The following CCSER2 variants were observed in gnomAD, a reference collection of about 807,000 sequenced individuals.
CCSER2 encodes coiled-coil serine rich protein 2, also known as serine-rich coiled-coil domain-containing protein 2.
Under a neutral mutation model 92.3 loss-of-function variants are expected in CCSER2, and 46 were observed. That is an observed-to-expected ratio of 0.50 (90% confidence interval 0.39 to 0.64). CCSER2 has a LOEUF of 0.64. CCSER2 is among the 30% of genes least tolerant of loss of function. CCSER2 has a pLI of 0.00. For synonymous variants in CCSER2, 433 were observed against 431.4 expected, an observed-to-expected ratio of 1.00 and a Z score of -0.04; for missense variants, 1,244 against 1,238.9, an observed-to-expected ratio of 1.00 and a Z score of -0.06.
At chr10:84,440,715 G>A (rs1197167516) in intron 6 of CCSER2, among the ~76,000 whole-genome samples, 1 of 152,186 alleles carries the variant, frequency 6.6e-6, no homozygotes, top group African/African-American at 2.4e-5. Flanking sequence ...CCTAAGAGAG[G>A]ATTAATGAAT....
At chr10:84,505,163 T>C (rs942669738) in intron 9 of CCSER2, among the ~76,000 whole-genome samples, 15 of 152,174 alleles carry the variant, frequency 9.9e-5, no homozygotes, top group Non-Finnish European at 1.5e-4. Flanking sequence ...ATGGTAAATA[T>C]TTCTTGAAAT....
chr10:84,434,100 C>T (rs758331385), intron 5 of CCSER2, among the ~76,000 whole-genome samples: 5 of 152,166 alleles, frequency 3.3e-5, no homozygotes, highest in African/African-American at 4.8e-5. Context: ...ACAAATGTAT[C>T]AACTTAATGT....
intron 3 of CCSER2, 153 bp downstream of exon 3, chr10:84,373,968 C>A: frequency 7.1e-7 from 1 of 1,418,014 alleles, no homozygotes; most frequent in African/African-American, 1.4e-5. Flanking sequence ...AAATATCTGA[C>A]TCTAATATGA....
At chr10:84,489,856 A>G (rs11511530) in intron 9 of CCSER2, among the ~76,000 whole-genome samples, 66,643 of 152,060 alleles carry the variant, frequency 0.44, 16,285 homozygotes, top group East Asian at 0.57. Flanking sequence ...ACAATTTGGC[A>G]TGTTTTTGCA....
chr10:84,341,176 C>T (rs909043159), intron 1 of CCSER2, among the ~76,000 whole-genome samples: 4 of 150,716 alleles, frequency 2.7e-5, no homozygotes, highest in African/African-American at 4.9e-5. Context: ...GGACTACAAG[C>T]GTGTGCCACC....
At chr10:84,374,396 G>GA (rs1467918869) in intron 3 of CCSER2, among the ~76,000 whole-genome samples, 1 of 152,160 alleles carries the variant, frequency 6.6e-6, no homozygotes, top group African/African-American at 2.4e-5. Flanking sequence ...TAGGGCAGCT[G>GA]TCTTTAGTGA....
At chr10:84,365,644 G>A (rs955865587) in intron 1 of CCSER2, among the ~76,000 whole-genome samples, 12 of 152,318 alleles carry the variant, frequency 7.9e-5, no homozygotes, top group African/African-American at 2.6e-4. Flanking sequence ...ACCAGTAACA[G>A]TGTGTCTCTC....
intron 5 of CCSER2, among the ~76,000 whole-genome samples, chr10:84,431,812 C>T (rs994881261): frequency 1.3e-5 from 2 of 152,210 alleles, no homozygotes; most frequent in South Asian, 4.1e-4. Flanking sequence ...TACTGAAAAA[C>T]ATCTTGGTTG....
At chr10:84,470,488 T>G (rs760444778) in intron 8 of CCSER2, 30 bp downstream of exon 8, 4 of 1,348,804 alleles carry the variant, frequency 3.0e-6, no homozygotes, top group East Asian at 3.1e-5. Context: ...GTATAGAGAC[T>G]TTTCAAACTG....
chr10:84,379,180 A>C lies in CCSER2; in HGVS notation c.1614+5365A>C, dbSNP rs75110527. ...TATTGGCATATTAAAATTTGTATGT[A>C]TATTCGTGTTGGTTTTTGAAAATTT... On this transcript the variant is annotated intron_variant, in intron 3 of 9. Coordinates refer to ENST00000372088, the MANE Select transcript of CCSER2 (RefSeq NM_001284240.2). Among the ~76,000 whole-genome samples the C allele has an allele frequency of 2.7e-3, 414 of 152,262 alleles. 16 individuals are homozygous for C. In the East Asian group the frequency reaches 0.07, roughly 26 times the overall value.
At chr10:84,465,909 C>T (rs1269436293) in intron 7 of CCSER2, among the ~76,000 whole-genome samples, 1 of 152,060 alleles carries the variant, frequency 6.6e-6, no homozygotes, top group Non-Finnish European at 1.5e-5. Context: ...CACCACCGCG[C>T]CCAGCTAATT....
intron 3 of CCSER2, among the ~76,000 whole-genome samples, chr10:84,400,811 G>A (rs1336353093): frequency 1.3e-5 from 2 of 152,116 alleles, no homozygotes; most frequent in Admixed American, 1.3e-4. Flanking sequence ...CTACTTGGGA[G>A]GCTGAAGCAG....
At chr10:84,489,220 T>G (rs1847994747) in intron 9 of CCSER2, among the ~76,000 whole-genome samples, 1 of 152,180 alleles carries the variant, frequency 6.6e-6, no homozygotes, top group Non-Finnish European at 1.5e-5. Context: ...GTCTGTTGAT[T>G]TGGGGTGGAG....
At chr10:84,484,109 G>T (rs1847656611) in intron 9 of CCSER2, among the ~76,000 whole-genome samples, 4 of 150,176 alleles carry the variant, frequency 2.7e-5, no homozygotes, top group South Asian at 4.2e-4. Flanking sequence ...AAGTAGCTGG[G>T]ACTACAGGTG....
At chr10:84,379,186 G>A (rs969411646) in intron 3 of CCSER2, among the ~76,000 whole-genome samples, 8 of 152,076 alleles carry the variant, frequency 5.3e-5, no homozygotes, top group Admixed American at 5.2e-4. Context: ...ATGTATATTC[G>A]TGTTGGTTTT....
chr10:84,433,192 G>C (rs1843887452), intron 5 of CCSER2, among the ~76,000 whole-genome samples: 1 of 152,042 alleles, frequency 6.6e-6, no homozygotes, highest in Admixed American at 6.6e-5. Context: ...CGGATATTTT[G>C]GGTCTTTTGC....
chr10:84,391,700 G>A (rs1439912050), intron 3 of CCSER2: 5 of 1,513,572 alleles, frequency 3.3e-6, no homozygotes, highest in Non-Finnish European at 2.7e-6. Flanking sequence ...AATAACGATT[G>A]GTCGTCTTGG....
intron 9 of CCSER2, among the ~76,000 whole-genome samples, chr10:84,484,489 A>ATGTGTG (rs201586953): frequency 0.026 from 3,048 of 116,820 alleles, 86 homozygotes; most frequent in Admixed American, 0.097. Context: ...GTGTGCATGC[A>ATGTGTG]CGTGTGTGTG....
chr10:84,491,877 C>A (rs900908839), intron 9 of CCSER2, among the ~76,000 whole-genome samples: 3 of 152,144 alleles, frequency 2.0e-5, no homozygotes, highest in African/African-American at 7.2e-5. Flanking sequence ...CGGCCATCTT[C>A]TTTGGTGTAA....
Sources: allele counts gnomAD v4.1 joint callset (sites outside exome capture counted in the v4.1 genomes callset), GRCh38; gene constraint gnomAD v4.1.1; transcripts MANE v1.5; gene names NCBI Gene and HGNC (gene_info 2026-07-23, HGNC 2026-07-21).